The following RPH3AL variants were observed in gnomAD, a reference collection of about 807,000 sequenced individuals.
The protein encoded by RPH3AL is rabphilin 3A like (without C2 domains).
Under a neutral mutation model 43.1 loss-of-function variants are expected in RPH3AL, and 38 were observed. That is an observed-to-expected ratio of 0.88 (90% confidence interval 0.68 to 1.15). The LOEUF is 1.15. Ranked by LOEUF, RPH3AL falls within the 50% of genes most tolerant of loss-of-function variation. RPH3AL has a pLI of 0.00. For missense variants in RPH3AL, 462 were observed against 423.2 expected (o/e 1.09, Z -0.81); for synonymous variants, 189 against 176.3 (o/e 1.07, Z -0.57).
At position 317,554 on chromosome 17, in the gene RPH3AL, A is replaced by C. The variant is rs536785463; in HGVS notation, c.351+1866T>G. 2.4e-3 allele frequency among the ~76,000 whole-genome samples: 357 copies of C among 151,800 alleles called. 3 individuals are homozygous for C. Among genetic ancestry groups the C allele is most frequent in the African/African-American group, 8.3e-3 (341 of 41,320 alleles). On this transcript the variant is annotated intron_variant, in intron 5 of 9. Coordinates refer to ENST00000331302, the MANE Select transcript of RPH3AL (RefSeq NM_006987.4). ...CTGAAGTCCCTGTGCCCCCACCTCC[A>C]CTGACCTGTAGTCCAGGGCCTTGGC...
At chr17:268,442 A>T (rs1288322334) in intron 6 of RPH3AL, among the ~76,000 whole-genome samples, 1 of 152,142 alleles carries the variant, frequency 6.6e-6, no homozygotes, top group African/African-American at 2.4e-5. Context: ...TAATATACAA[A>T]ATATGTGTTA....
chr17:240,836 G>T (rs1376372186), intron 7 of RPH3AL, among the ~76,000 whole-genome samples: 1 of 152,068 alleles, frequency 6.6e-6, no homozygotes, highest in Non-Finnish European at 1.5e-5. Flanking sequence ...AAGGCGGGAG[G>T]ATCACGAGGT....
intron 5 of RPH3AL, among the ~76,000 whole-genome samples, chr17:317,017 C>A (rs2044264506): frequency 2.6e-5 from 4 of 151,418 alleles, no homozygotes; most frequent in Admixed American, 6.6e-5. Context: ...GACCTGTAGT[C>A]TCTGTGCTCC....
chr17:231,079 G>A (rs2041220931), intron 7 of RPH3AL, among the ~76,000 whole-genome samples: 1 of 152,162 alleles, frequency 6.6e-6, no homozygotes, highest in Non-Finnish European at 1.5e-5. Flanking sequence ...GAGCCTTCTA[G>A]AGTGTTTCTT....
chr17:307,599 G>A (rs905100105), intron 5 of RPH3AL, among the ~76,000 whole-genome samples: 21 of 152,188 alleles, frequency 1.4e-4, no homozygotes, highest in African/African-American at 4.6e-4. Flanking sequence ...TGAGCTGAGT[G>A]CACACAGGAA....
intron 6 of RPH3AL, among the ~76,000 whole-genome samples, chr17:253,705 G>A (rs572319286): frequency 1.5e-5 from 2 of 135,880 alleles, no homozygotes; most frequent in South Asian, 2.2e-4. Context: ...CCTATGAGGG[G>A]AGCCGCACGG....
intron 5 of RPH3AL, among the ~76,000 whole-genome samples, chr17:286,076 G>T (rs1015176847): frequency 6.6e-6 from 1 of 152,202 alleles, no homozygotes; most frequent in Non-Finnish European, 1.5e-5. Context: ...TGCCCTGTGG[G>T]GGGGTTTGAG....
At chr17:270,104 G>A (rs552504679) in intron 6 of RPH3AL, among the ~76,000 whole-genome samples, 3 of 152,206 alleles carry the variant, frequency 2.0e-5, no homozygotes, top group East Asian at 3.9e-4. Context: ...ATGACCATCC[G>A]GGTCCCCCAG....
chr17:316,901 GCT>G, intron 5 of RPH3AL, among the ~76,000 whole-genome samples: 1 of 101,762 alleles, frequency 9.8e-6, no homozygotes, highest in East Asian at 3.1e-4. Flanking sequence ...TAGTCCCTGT[GCT>G]CCACCTCCAC....
chr17:331,271 A>G, intron 2 of RPH3AL: 2 of 237,114 alleles, frequency 8.4e-6, no homozygotes, highest in Non-Finnish European at 1.7e-5. Flanking sequence ...CAAATGCTGC[A>G]GAGATGAAGG....
chr17:308,849 T>G (rs575736345), intron 5 of RPH3AL, among the ~76,000 whole-genome samples: 1 of 152,240 alleles, frequency 6.6e-6, no homozygotes, highest in African/African-American at 2.4e-5. Flanking sequence ...CAGGAGCAGC[T>G]CTCTGTAAAC....
chr17:316,835 C>G (rs1282880883), intron 5 of RPH3AL, among the ~76,000 whole-genome samples: 1 of 137,104 alleles, frequency 7.3e-6, no homozygotes, highest in Non-Finnish European at 1.6e-5. Flanking sequence ...ACCTGTAGTC[C>G]CTGTGACTCC....
intron 5 of RPH3AL, among the ~76,000 whole-genome samples, chr17:293,361 C>G (rs532514985): frequency 1.3e-5 from 2 of 152,266 alleles, no homozygotes; most frequent in Non-Finnish European, 2.9e-5. Context: ...AATAAGAAAT[C>G]ATGACTTGGA....
At chr17:315,460 T>C (rs1598095399) in intron 5 of RPH3AL, among the ~76,000 whole-genome samples, 1 of 139,142 alleles carries the variant, frequency 7.2e-6, no homozygotes, top group Admixed American at 7.1e-5. Flanking sequence ...CATTGACCTG[T>C]AGTCCCTGTG....
intron 6 of RPH3AL, among the ~76,000 whole-genome samples, chr17:263,762 T>C (rs141273405): frequency 6.6e-6 from 1 of 152,188 alleles, no homozygotes; most frequent in Non-Finnish European, 1.5e-5. Flanking sequence ...TGGAAGAGAC[T>C]TTGTGAAGTT....
intron 7 of RPH3AL, among the ~76,000 whole-genome samples, chr17:229,493 GTCCCCCAAAGAGCTGGGGTT>G (rs1567566563): frequency 6.6e-6 from 1 of 152,230 alleles, no homozygotes; most frequent in Admixed American, 6.5e-5. Context: ...TCACCTCCAT[GTCCCCCAAAGAGCTGGGGTT>G]TCCCCCAGGA....
intron 5 of RPH3AL, among the ~76,000 whole-genome samples, chr17:282,358 G>A (rs1184990564): frequency 6.6e-6 from 1 of 152,236 alleles, no homozygotes; most frequent in Non-Finnish European, 1.5e-5. Flanking sequence ...TGACAGTTAC[G>A]TAAACTTTGG....
At chr17:293,279 G>T (rs924530847) in intron 5 of RPH3AL, among the ~76,000 whole-genome samples, 3 of 152,216 alleles carry the variant, frequency 2.0e-5, no homozygotes, top group Non-Finnish European at 4.4e-5. Context: ...TTACCACTGC[G>T]TCCCGAGTGG....
At chr17:242,795 C>CTACCTTCCTCTATTGAT (rs2041596493) in intron 7 of RPH3AL, among the ~76,000 whole-genome samples, 1 of 34,752 alleles carries the variant, frequency 2.9e-5, no homozygotes, top group Non-Finnish European at 5.6e-5. Flanking sequence ...CCTCTAATGA[C>CTACCTTCCTCTATTGAT]TACCTTCCTC....
Sources: allele counts gnomAD v4.1 joint callset (sites outside exome capture counted in the v4.1 genomes callset), GRCh38; gene constraint gnomAD v4.1.1; transcripts MANE v1.5; gene names NCBI Gene and HGNC (gene_info 2026-07-23, HGNC 2026-07-21).